CTNNBIP1: variants seen among roughly 807,000 people sequenced by gnomAD.
The protein encoded by CTNNBIP1 is beta-catenin-interacting protein 1.
CTNNBIP1 carries 7 observed loss-of-function variants against 11.8 expected under a neutral mutation model. The ratio of observed to expected loss-of-function variants is 0.60; its 90% CI spans 0.34 to 1.12. The LOEUF is 1.12. Among genes scored for constraint, CTNNBIP1 ranks in the 50% most tolerant of loss-of-function variants. The pLI is 0.03. For synonymous variants in CTNNBIP1, 58 were observed against 43.9 expected (o/e 1.32, Z -1.26); for missense variants, 101 against 113.4 (o/e 0.89, Z 0.50).
chr1:9,887,495 T>C (rs563720715), intron 1 of CTNNBIP1, among the ~76,000 whole-genome samples: 2 of 152,212 alleles, frequency 1.3e-5, no homozygotes, highest in South Asian at 4.1e-4. Context: ...GGCGGGCAGA[T>C]CAGGAGGTCA....
chr1:9,893,728 A>G (rs1273132109), intron 1 of CTNNBIP1, among the ~76,000 whole-genome samples: 3 of 152,194 alleles, frequency 2.0e-5, no homozygotes, highest in African/African-American at 7.2e-5. Context: ...CTTCCTTGCA[A>G]ATTTCCTTGG....
chr1:9,896,497 G>A lies in CTNNBIP1; in HGVS notation c.-143-12759C>T, dbSNP rs528781781. 9.9e-5 allele frequency among the ~76,000 whole-genome samples: 15 copies of A among 152,224 alleles called. No homozygotes were observed. The East Asian group carries it at 2.5e-3, about 25-fold the overall frequency. On this transcript the variant is annotated intron_variant, in intron 1 of 5. Transcript: ENST00000377263. The stretch of plus-strand genomic sequence containing the variant: ...GCAGATCACCTGAGGTCAGGAGTTC[G>A]AGAGTAGCCTGGCCAACATGGTGAA...
chr1:9,858,356 C>T lies in CTNNBIP1; in HGVS notation c.188-7580G>A, dbSNP rs116746217. Reference sequence around the variant, plus strand: ...GCTCATCATACTCAAGGCCAACGCCCACCTCCTCACTGTGGCCTGCAGGAC... The same window carrying T: ...GCTCATCATACTCAAGGCCAACGCCTACCTCCTCACTGTGGCCTGCAGGAC... On this transcript the variant is annotated intron_variant, in intron 5 of 5. Coordinates refer to ENST00000377263, the MANE Select transcript of CTNNBIP1 (RefSeq NM_020248.3). Among the ~76,000 whole-genome samples the T allele has an allele frequency of 2.8e-3, 427 of 152,292 alleles. 2 individuals are homozygous for T. Among genetic ancestry groups the T allele is most frequent in the African/African-American group, 9.7e-3 (405 of 41,544 alleles).
At chr1:9,885,070 T>A (rs1266961540) in intron 1 of CTNNBIP1, among the ~76,000 whole-genome samples, 1 of 151,352 alleles carries the variant, frequency 6.6e-6, no homozygotes, top group African/African-American at 2.4e-5. Flanking sequence ...AGGGCCAGAG[T>A]AGAGGCCGTG....
intron 2 of CTNNBIP1, among the ~76,000 whole-genome samples, chr1:9,881,581 C>T (rs1178756211): frequency 6.6e-6 from 1 of 151,996 alleles, no homozygotes; most frequent in Non-Finnish European, 1.5e-5. Context: ...TCAGGTGATC[C>T]GCCCGCCTCA....
Position 9,871,382 on chromosome 1 carries a change from C to G in CTNNBIP1, c.97-105G>C. 1.2e-6 allele frequency: 1 copy of G among 831,626 alleles called. No homozygotes were observed. Among genetic ancestry groups the G allele is most frequent in the Admixed American group, 2.2e-5 (1 of 44,910 alleles). 51.5% of individuals were successfully genotyped at this position (831,626 alleles called of 1,614,324 possible). ...TAGGCCTGCTTGGTCCCTGCTTGGT[C>G]CCTGCTCGGGCTTCTGTTTCTGAGA... On this transcript the variant is annotated intron_variant, in intron 4 of 5. Coordinates refer to ENST00000377263, the MANE Select transcript of CTNNBIP1 (RefSeq NM_020248.3). The surrounding 1 kb of genome is among the most constrained non-coding windows in gnomAD (Gnocchi z 5.2).
At chr1:9,908,404 C>T (rs1282560596) in intron 1 of CTNNBIP1, among the ~76,000 whole-genome samples, 5 of 118,552 alleles carry the variant, frequency 4.2e-5, no homozygotes, top group Non-Finnish European at 5.2e-5. Flanking sequence ...GACGGAGTCT[C>T]GCTCTGTCGC....
chr1:9,903,044 C>T (rs1639553920), intron 1 of CTNNBIP1, among the ~76,000 whole-genome samples: 1 of 152,164 alleles, frequency 6.6e-6, no homozygotes, highest in South Asian at 2.1e-4. Context: ...GGATTACAGG[C>T]GTGAGCCACC....
intron 1 of CTNNBIP1, among the ~76,000 whole-genome samples, chr1:9,885,645 A>C (rs1354706186): frequency 3.2e-5 from 4 of 123,354 alleles, no homozygotes; most frequent in African/African-American, 1.5e-4. Flanking sequence ...CCCTGTCTCT[A>C]AAAAAAAAAA....
At chr1:9,870,321 G>C (rs1638835048) in intron 5 of CTNNBIP1, among the ~76,000 whole-genome samples, 1 of 152,222 alleles carries the variant, frequency 6.6e-6, no homozygotes, top group Non-Finnish European at 1.5e-5. Context: ...TGGAGATGCT[G>C]GTCAGAATAC....
chr1:9,896,243 G>A (rs1639405785), intron 1 of CTNNBIP1, among the ~76,000 whole-genome samples: 1 of 152,202 alleles, frequency 6.6e-6, no homozygotes, highest in Non-Finnish European at 1.5e-5. Flanking sequence ...TGATGTATCA[G>A]TGTTCCACTA....
At chr1:9,876,090 TC>T (rs1351642061) in intron 3 of CTNNBIP1, among the ~76,000 whole-genome samples, 1 of 152,240 alleles carries the variant, frequency 6.6e-6, no homozygotes, top group African/African-American at 2.4e-5. Flanking sequence ...AAAACTGGTC[TC>T]CATTAAACTA....
intron 5 of CTNNBIP1, among the ~76,000 whole-genome samples, chr1:9,861,065 G>A (rs1037871995): frequency 5.3e-5 from 8 of 152,218 alleles, no homozygotes; most frequent in South Asian, 2.1e-4. Flanking sequence ...GAGGGAATGC[G>A]ACCACATGCT....
intron 1 of CTNNBIP1, among the ~76,000 whole-genome samples, chr1:9,889,596 G>A (rs191810113): frequency 4.5e-4 from 68 of 152,172 alleles, no homozygotes; most frequent in African/African-American, 1.6e-3. Context: ...GGGCTGCCTC[G>A]AGGCCTGTGT....
intron 1 of CTNNBIP1, among the ~76,000 whole-genome samples, chr1:9,886,010 A>G (rs959903890): frequency 1.3e-5 from 2 of 152,070 alleles, no homozygotes; most frequent in Non-Finnish European, 2.9e-5. Flanking sequence ...TCTAGTTACT[A>G]TACTAATGAG....
At position 9,871,426 on chromosome 1, in the gene CTNNBIP1, AG is replaced by A. The variant is rs1197365147; in HGVS notation, c.97-150del. The A allele has an allele frequency of 2.9e-6, 2 of 679,102 alleles. No homozygotes were observed. Among genetic ancestry groups the A allele is most frequent in the African/African-American group, 3.6e-5 (2 of 55,492 alleles). The allele number at this position is 679,102 out of a possible 1,614,324, so 42.1% of individuals were successfully genotyped here. Reference sequence around the variant, plus strand: ...TCTGAGATTTGACCCCTTTGCTTTCAGGGCCAGCCCACCCCACTCCCACCCT... The same window carrying A: ...TCTGAGATTTGACCCCTTTGCTTTCAGGCCAGCCCACCCCACTCCCACCCT... On this transcript the variant is annotated intron_variant, in intron 4 of 5. Coordinates refer to ENST00000377263, the MANE Select transcript of CTNNBIP1 (RefSeq NM_020248.3). The surrounding 1 kb of genome is among the most constrained non-coding windows in gnomAD (Gnocchi z 5.2).
At chr1:9,869,441 T>G (rs1570571374) in intron 5 of CTNNBIP1, among the ~76,000 whole-genome samples, 1 of 152,256 alleles carries the variant, frequency 6.6e-6, no homozygotes, top group East Asian at 1.9e-4. Context: ...GGTGAGATCT[T>G]GGCTTCCCAA....
chr1:9,894,478 C>G (rs1639368915), intron 1 of CTNNBIP1, among the ~76,000 whole-genome samples: 1 of 151,974 alleles, frequency 6.6e-6, no homozygotes, highest in African/African-American at 2.4e-5. Context: ...CCCTCAGCCT[C>G]CTGAGTAGCT....
At chr1:9,888,195 C>T (rs960091082) in intron 1 of CTNNBIP1, among the ~76,000 whole-genome samples, 1 of 151,992 alleles carries the variant, frequency 6.6e-6, no homozygotes, top group Non-Finnish European at 1.5e-5. Flanking sequence ...CTTTGGGAGG[C>T]TGAGGTGGGA....
Sources: gnomAD v4.1 joint callset for allele counts (sites outside exome capture counted in the v4.1 genomes callset) on GRCh38, gnomAD v4.1.1 for gene constraint, Gnocchi (gnomAD v3.1) non-coding constraint, MANE v1.5 for transcripts, NCBI Gene and HGNC (gene_info 2026-07-23, HGNC 2026-07-21) for gene names.